Variants in SYT6 observed in about 807,000 individuals in gnomAD.
SYT6 encodes the protein synaptotagmin 6, also known as synaptotagmin-6.
SYT6 carries 24 observed loss-of-function variants against 38.4 expected under a neutral mutation model. That is an observed-to-expected ratio of 0.62 (90% CI 0.45 to 0.88). SYT6 has a LOEUF of 0.88. Among genes scored for constraint, SYT6 ranks in the 40% least tolerant of loss-of-function variants. SYT6 has a pLI of 0.00. For missense variants in SYT6, 611 were observed against 621.0 expected (o/e 0.98, Z 0.17); for synonymous variants, 265 against 241.9 (o/e 1.10, Z -0.89).
intron 3 of SYT6, among the ~76,000 whole-genome samples, chr1:114,117,360 C>T (rs931104908): frequency 5.3e-5 from 8 of 152,246 alleles, no homozygotes; most frequent in Non-Finnish European, 1.0e-4. Flanking sequence ...CATTCTCCTG[C>T]CACATGGAGG....
rs905197970 is a variant in SYT6 at position 114,089,871 on chromosome 1, A to C, written c.*2263T>G. On this transcript the variant is annotated 3_prime_UTR_variant, in exon 8 of 8. Coordinates refer to ENST00000610222, the MANE Select transcript of SYT6 (RefSeq NM_001253772.2). ...GTTCAGGACATGATTTTCTGAAACC[A>C]CTGGGATGTTCACTCATGGGAGATA... 9.8e-5 allele frequency: 15 copies of C among 152,416 alleles called. No homozygotes were observed. Among genetic ancestry groups the C allele is most frequent in the African/African-American group, 3.6e-4 (15 of 41,462 alleles). The allele number at this position is 152,416 out of a possible 1,614,324, so 9.4% of individuals were successfully genotyped here.
chr1:114,099,145 G>A lies in SYT6; in HGVS notation c.1313C>T (p.Pro438Leu), dbSNP rs200649940. 3.1e-5 allele frequency: 50 copies of A among 1,613,796 alleles called. No individual in the cohort carries two copies. The highest frequency in any genetic ancestry group is 6.6e-5 in the South Asian group (6 of 91,032). ...CAGGCTGACTTGATCCATGTTTTCCGGGGGAATGTCAAAGATGATGGCCTC... is the reference window on the plus strand; with the variant it reads ...CAGGCTGACTTGATCCATGTTTTCCAGGGGAATGTCAAAGATGATGGCCTC... ...YNEAIIFDIP[P>L]ENMDQVSLLI... The change falls in exon 5 of 8, where the codon CCG (proline) becomes CTG (leucine). Residue 438 changes from proline to leucine, a missense_variant. Physicochemically the swap from Pro to Leu is moderately conservative, Grantham distance 98. Transcript: ENST00000610222.
chr1:114,095,903 A>G (rs566843950), intron 6 of SYT6, among the ~76,000 whole-genome samples: 1 of 152,028 alleles, frequency 6.6e-6, no homozygotes, highest in East Asian at 1.9e-4. Context: ...CTCATGATCC[A>G]TCCACCTCGG....
intron 3 of SYT6, among the ~76,000 whole-genome samples, chr1:114,116,818 C>T (rs917552060): frequency 1.2e-4 from 19 of 152,220 alleles, no homozygotes; most frequent in South Asian, 2.1e-4. Context: ...TGACCCAGTT[C>T]CTGGGGCATC....
At chr1:114,137,466 A>C (rs1039767820) in intron 3 of SYT6, 29 bp downstream of exon 3, 9 of 1,588,666 alleles carry the variant, frequency 5.7e-6, no homozygotes, top group Non-Finnish European at 7.7e-6. Flanking sequence ...ACAAATCCTC[A>C]AGAAGCCAAG....
intron 4 of SYT6, among the ~76,000 whole-genome samples, chr1:114,102,009 C>G (rs188942123): frequency 7.9e-5 from 12 of 152,280 alleles, no homozygotes; most frequent in Admixed American, 5.9e-4. Flanking sequence ...GAGGTTAGAA[C>G]TTAGCAAGAA....
intron 3 of SYT6, among the ~76,000 whole-genome samples, chr1:114,107,849 C>T (rs1274068835): frequency 6.6e-6 from 1 of 152,156 alleles, no homozygotes; most frequent in Non-Finnish European, 1.5e-5. Context: ...AGACTTTGGA[C>T]TTCAATAAAA....
intron 3 of SYT6, among the ~76,000 whole-genome samples, chr1:114,124,445 C>A (rs1677606073): frequency 6.6e-6 from 1 of 152,190 alleles, no homozygotes; most frequent in Middle Eastern, 3.4e-3. Flanking sequence ...AGGCCTAGAA[C>A]TTGTGGGGAA....
chr1:114,132,456 G>A (rs905369858), intron 3 of SYT6, among the ~76,000 whole-genome samples: 5 of 152,150 alleles, frequency 3.3e-5, no homozygotes, highest in Admixed American at 6.5e-5. Flanking sequence ...CCACACTCCC[G>A]GAGAATGGGT....
chr1:114,099,288 A>G (rs778114649), intron 4 of SYT6, 23 bp from the exon 5 acceptor site: 2 of 1,600,872 alleles, frequency 1.2e-6, no homozygotes, highest in South Asian at 1.1e-5. Context: ...GGACAGAGAA[A>G]AGGGAATGGA....
intron 3 of SYT6, among the ~76,000 whole-genome samples, chr1:114,105,724 A>G (rs765162882): frequency 1.3e-5 from 2 of 152,178 alleles, no homozygotes; most frequent in Non-Finnish European, 2.9e-5. Flanking sequence ...TAACTTGCTC[A>G]GGTTTACAAG....
chr1:114,094,750 A>G (rs1675527972), intron 6 of SYT6, among the ~76,000 whole-genome samples: 1 of 152,244 alleles, frequency 6.6e-6, no homozygotes, highest in African/African-American at 2.4e-5. Flanking sequence ...GATGCCATTT[A>G]TCTTCCCAGG....
At chr1:114,151,850 C>T (rs766818980) in intron 1 of SYT6, among the ~76,000 whole-genome samples, 6 of 152,106 alleles carry the variant, frequency 3.9e-5, no homozygotes, top group Non-Finnish European at 7.4e-5. Context: ...ACTTGTTAGG[C>T]CTAATGTGTT....
intron 2 of SYT6, among the ~76,000 whole-genome samples, chr1:114,138,777 A>T (rs1351185726): frequency 2.0e-5 from 3 of 152,246 alleles, no homozygotes; most frequent in Non-Finnish European, 4.4e-5. Context: ...CAACTGCCAT[A>T]TAAAAGTCAT....
At chr1:114,145,502 G>GTTTTTTTTTTTTTTTTTTTTTTT (rs752982644) in intron 1 of SYT6, among the ~76,000 whole-genome samples, 5 of 111,620 alleles carry the variant, frequency 4.5e-5, no homozygotes, top group African/African-American at 7.4e-5. Flanking sequence ...GAGGTATTAA[G>GTTTTTTTTTTTTTTTTTTTTTTT]TTTTTTTTTT....
intron 6 of SYT6, among the ~76,000 whole-genome samples, chr1:114,094,713 GATAA>G (rs1320056118): frequency 6.6e-6 from 1 of 152,202 alleles, no homozygotes; most frequent in African/African-American, 2.4e-5. Context: ...AAAGGTTCAA[GATAA>G]ATACAGAGGG....
chr1:114,093,778 G>T lies in SYT6; in HGVS notation c.*8C>A. ...GTCTCTCTGCTTGCAGCATCCACGTGAATGAAATCACAACCGAGGGTTTCC... is the reference window on the plus strand; with the variant it reads ...GTCTCTCTGCTTGCAGCATCCACGTTAATGAAATCACAACCGAGGGTTTCC... On this transcript the variant is annotated 3_prime_UTR_variant, in exon 7 of 8. Transcript: ENST00000610222. 6.2e-7 allele frequency: 1 copy of T among 1,614,012 alleles called. No individual in the cohort carries two copies. Among genetic ancestry groups the T allele is most frequent in the East Asian group, 2.2e-5 (1 of 44,874 alleles).
chr1:114,111,795 C>T (rs1016635060), intron 3 of SYT6, among the ~76,000 whole-genome samples: 4 of 67,726 alleles, frequency 5.9e-5, no homozygotes, highest in African/African-American at 1.8e-4. Context: ...GAGACTGACG[C>T]TCTGCCCGCC....
intron 3 of SYT6, among the ~76,000 whole-genome samples, chr1:114,119,061 C>T (rs939535696): frequency 6.6e-6 from 1 of 152,206 alleles, no homozygotes; most frequent in African/African-American, 2.4e-5. Context: ...GTCGGCCTGA[C>T]GTCTCTCTTT....
Sources: gnomAD v4.1 joint callset for allele counts (sites outside exome capture counted in the v4.1 genomes callset) on GRCh38, gnomAD v4.1.1 for gene constraint, MANE v1.5 for transcripts, NCBI Gene and HGNC (gene_info 2026-07-23, HGNC 2026-07-21) for gene names.